The following ZNF90 variants were observed in gnomAD, a reference collection of about 807,000 sequenced individuals.
ZNF90 encodes zinc finger protein 90.
In ZNF90, 11 loss-of-function variants were observed where a neutral mutation model predicts 12.0. The ratio of observed to expected loss-of-function variants is 0.92; its 90% CI spans 0.58 to 1.52. The LOEUF is 1.52. ZNF90 is among the 40% of genes most tolerant of loss of function. The pLI, the probability that ZNF90 is intolerant of heterozygous loss-of-function variation, is 0.00. For missense variants in ZNF90, 765 were observed against 711.5 expected, an observed-to-expected ratio of 1.08 and a Z score of -0.86; for synonymous variants, 232 against 240.1, an observed-to-expected ratio of 0.97 and a Z score of 0.31.
At chr19:20,101,178 G>A (rs1185772264) in intron 1 of ZNF90, among the ~76,000 whole-genome samples, 3 of 152,148 alleles carry the variant, frequency 2.0e-5, no homozygotes, top group African/African-American at 4.8e-5. Context: ...TGCCACTCCC[G>A]ATTAGGCTAA....
At position 20,118,090 on chromosome 19, in the gene ZNF90, G is replaced by A; in HGVS notation, c.536G>A (p.Gly179Asp). Residue 179 changes from glycine (G) to aspartate (D), a missense_variant, in exon 4 of 4, where the codon GGC becomes GAC. By Grantham distance (94) the Gly-to-Asp change is moderately conservative. Coordinates refer to ENST00000418063, the MANE Select transcript of ZNF90 (RefSeq NM_007138.2). ...GKKPFKCIEC[G>D]KAFNQSSTLA... ...AAACCTTTCAAATGTATAGAATGTGGCAAAGCTTTCAACCAGTCCTCAACC... is the reference window on the plus strand; with the variant it reads ...AAACCTTTCAAATGTATAGAATGTGACAAAGCTTTCAACCAGTCCTCAACC... 1 of 1,613,632 alleles carries A rather than the reference G, an allele frequency of 6.2e-7. No homozygotes were observed. Among genetic ancestry groups the A allele is most frequent in the East Asian group, 2.2e-5 (1 of 44,854 alleles).
chr19:20,117,388 T>TCC (rs2089147927), intron 3 of ZNF90, among the ~76,000 whole-genome samples: 1 of 121,368 alleles, frequency 8.2e-6, no homozygotes, highest in South Asian at 2.5e-4. Flanking sequence ...CTTTCTTTTC[T>TCC]TTTCTTTTCT....
In ZNF90 at chr19:20,113,178, A is replaced by T. The variant is rs184394065; in HGVS notation, c.227-4603A>T. ...TGTAGGTTTGTTGTAACGGTTTTTT[A>T]TTTTTTTTTCTTTTTTTTTTCTCCT... is the stretch of plus-strand genomic sequence containing the variant. On this transcript the variant is annotated intron_variant, in intron 3 of 3. Transcript: ENST00000418063. Among the ~76,000 whole-genome samples the T allele has an allele frequency of 8.9e-4, 132 of 148,208 alleles. 1 individual carries two copies. The highest frequency in any genetic ancestry group is 3.0e-3 in the African/African-American group (119 of 39,774).
In ZNF90 at chr19:20,120,554, G is replaced by A. The variant is rs1263557030; in HGVS notation, c.*1194G>A. On this transcript the variant is annotated 3_prime_UTR_variant, in exon 4 of 4. Coordinates refer to ENST00000418063, the MANE Select transcript of ZNF90 (RefSeq NM_007138.2). ...AAACTACAGCTTAGAAAACACCAGA[G>A]AGTTGATACTAAAATATATGTTTGC... is the stretch of plus-strand genomic sequence containing the variant. Among the ~76,000 whole-genome samples, 2 of 152,012 alleles carry A rather than the reference G, an allele frequency of 1.3e-5. No homozygotes were observed. Among genetic ancestry groups the A allele is most frequent in the Admixed American group, 6.6e-5 (1 of 15,260 alleles).
At chr19:20,081,826 G>A (rs1412107536) in intron 1 of ZNF90, among the ~76,000 whole-genome samples, 3 of 150,334 alleles carry the variant, frequency 2.0e-5, no homozygotes, top group African/African-American at 7.4e-5. Flanking sequence ...GTGCAGTGGC[G>A]AGATCTCGGC....
intron 1 of ZNF90, among the ~76,000 whole-genome samples, chr19:20,083,297 C>T (rs2088834656): frequency 6.6e-6 from 1 of 152,018 alleles, no homozygotes. Flanking sequence ...GGCAGGCCAC[C>T]CCTTTAGCAT....
At chr19:20,108,982 C>A (rs1245111952) in intron 3 of ZNF90, among the ~76,000 whole-genome samples, 5 of 151,888 alleles carry the variant, frequency 3.3e-5, no homozygotes, top group African/African-American at 1.2e-4. Flanking sequence ...CTCAGCCTCC[C>A]AAAGTGCTGG....
intron 1 of ZNF90, among the ~76,000 whole-genome samples, chr19:20,095,715 A>G (rs2088939779): frequency 6.6e-6 from 1 of 152,046 alleles, no homozygotes. Context: ...CACAGAAATA[A>G]GGGATTGGGG....
At position 20,118,600 on chromosome 19, in the gene ZNF90, C is replaced by T. The variant is rs782380879; in HGVS notation, c.1046C>T (p.Ala349Val). ...TACAAATGTGAAGAATGTGGCAAAG[C>T]CTTCAGGCGCTCCTTAGTCCTTCGT... is the stretch of plus-strand genomic sequence containing the variant. ...KPYKCEECGK[A>V]FRRSLVLRTH... is the part of the protein sequence containing the mutation. The change falls in exon 4 of 4, where the codon GCC becomes GTC. Residue 349 changes from alanine (A) to valine (V), a missense_variant. Transcript: ENST00000418063. The T allele has an allele frequency of 1.9e-6, 3 of 1,609,614 alleles. No homozygotes were observed. The South Asian group carries it at 3.3e-5, about 18-fold the overall frequency.
chr19:20,092,166 C>T (rs2088907768), intron 1 of ZNF90, among the ~76,000 whole-genome samples: 1 of 152,100 alleles, frequency 6.6e-6, no homozygotes, highest in African/African-American at 2.4e-5. Context: ...GGAGACTCAA[C>T]AAAGAGTGAG....
At chr19:20,110,416 T>C (rs1443737060) in intron 3 of ZNF90, among the ~76,000 whole-genome samples, 6 of 152,028 alleles carry the variant, frequency 3.9e-5, no homozygotes, top group Admixed American at 2.0e-4. Flanking sequence ...GTAACTGGGA[T>C]TACAGGCACC....
At chr19:20,090,117 A>G (rs116101587) in intron 1 of ZNF90, among the ~76,000 whole-genome samples, 2,263 of 152,276 alleles carry the variant, frequency 0.015, 52 homozygotes, top group African/African-American at 0.052. Flanking sequence ...TATCAGCTGT[A>G]ATGGCTTGAA....
intron 1 of ZNF90, among the ~76,000 whole-genome samples, chr19:20,078,726 T>C (rs1398093280): frequency 4.6e-5 from 7 of 152,058 alleles, no homozygotes; most frequent in Admixed American, 2.0e-4. Flanking sequence ...CATTACCCGA[T>C]TTGGAAAAAG....
At chr19:20,111,826 ATTATT>A (rs1207920332) in intron 3 of ZNF90, among the ~76,000 whole-genome samples, 3 of 151,920 alleles carry the variant, frequency 2.0e-5, no homozygotes, top group African/African-American at 7.3e-5. Context: ...TGATATTAAA[ATTATT>A]TTATATGCTG....
At chr19:20,081,257 C>G (rs763656493) in intron 1 of ZNF90, among the ~76,000 whole-genome samples, 1 of 152,068 alleles carries the variant, frequency 6.6e-6, no homozygotes, top group Non-Finnish European at 1.5e-5. Flanking sequence ...GGTGCCATCT[C>G]GGCTCACTTC....
At chr19:20,113,604 C>T (rs1386035353) in intron 3 of ZNF90, among the ~76,000 whole-genome samples, 2 of 152,012 alleles carry the variant, frequency 1.3e-5, no homozygotes, top group Non-Finnish European at 2.9e-5. Context: ...CCAAGACGGG[C>T]GGATCATGAG....
chr19:20,100,090 G>T (rs1451288504), intron 1 of ZNF90, among the ~76,000 whole-genome samples: 1 of 152,128 alleles, frequency 6.6e-6, no homozygotes, highest in East Asian at 1.9e-4. Context: ...CCTAGTATGG[G>T]GTAATCCCCT....
rs1164762293 is a variant in ZNF90, at chr19:20,109,822, CAG to C, written c.226+4509_226+4510del. Among the ~76,000 whole-genome samples the C allele has an allele frequency of 4.6e-5, 7 of 151,766 alleles. No homozygotes were observed. In the East Asian group the frequency reaches 9.6e-4, roughly 21 times the overall value. On this transcript the variant is annotated intron_variant, in intron 3 of 3. Coordinates refer to ENST00000418063, the MANE Select transcript of ZNF90 (RefSeq NM_007138.2). ...TGCCTCTACACTCCAGCTTGGGTGACAGAGTGAGACTCTGTCTCCAAAAAAAA... is the reference window on the plus strand; with the variant it reads ...TGCCTCTACACTCCAGCTTGGGTGACAGTGAGACTCTGTCTCCAAAAAAAA...
Position 20,078,087 on chromosome 19 carries a change from C to T in ZNF90, c.-46C>T. On this transcript the variant is annotated 5_prime_UTR_variant, in exon 1 of 4. Coordinates refer to ENST00000418063, the MANE Select transcript of ZNF90 (RefSeq NM_007138.2). Reference sequence around the variant, plus strand: ...CCAGCCTCTGTGGCCCTGTGACCTGCAGGTATTGGGAGATCCACAGCTGAG... The same window carrying T: ...CCAGCCTCTGTGGCCCTGTGACCTGTAGGTATTGGGAGATCCACAGCTGAG... 6.2e-7 allele frequency: 1 copy of T among 1,613,884 alleles called. No individual in the cohort carries two copies. The highest frequency in any genetic ancestry group is 8.5e-7 in the Non-Finnish European group (1 of 1,179,796).
Sources: allele counts gnomAD v4.1 joint callset (sites outside exome capture counted in the v4.1 genomes callset), GRCh38; gene constraint gnomAD v4.1.1; transcripts MANE v1.5; gene names NCBI Gene and HGNC (gene_info 2026-07-23, HGNC 2026-07-21).